The following DPYD variants were observed in gnomAD, a reference collection of about 807,000 sequenced individuals.
DPYD encodes dihydropyrimidine dehydrogenase.
DPYD carries 109 observed loss-of-function variants against 116.2 expected under a neutral mutation model. The ratio of observed to expected loss-of-function variants is 0.94; its 90% CI spans 0.80 to 1.10. DPYD has a LOEUF of 1.10. DPYD is among the 50% of genes least tolerant of loss of function. The pLI, the probability that DPYD is intolerant of heterozygous loss-of-function variation, is 0.00. For missense variants in DPYD, 1,302 were observed against 1,254.5 expected, an observed-to-expected ratio of 1.04 and a Z score of -0.57; for synonymous variants, 440 against 432.0, an observed-to-expected ratio of 1.02 and a Z score of -0.23.
At chr1:97,090,983 CATT>C (rs1649861456) in intron 21 of DPYD, among the ~76,000 whole-genome samples, 1 of 152,110 alleles carries the variant, frequency 6.6e-6, no homozygotes, top group Admixed American at 6.5e-5. Context: ...ACCATTAAGT[CATT>C]AAGGCATTTG....
intron 1 of DPYD, among the ~76,000 whole-genome samples, chr1:97,906,180 C>T (rs1402002363): frequency 6.6e-6 from 1 of 151,948 alleles, no homozygotes; most frequent in African/African-American, 2.4e-5. Flanking sequence ...CATTTTCTGG[C>T]CCCTAAATTA....
chr1:97,546,115 T>C, intron 12 of DPYD: 3 of 1,430,142 alleles, frequency 2.1e-6, no homozygotes, highest in East Asian at 2.3e-5. Flanking sequence ...AGGCAAACAA[T>C]GGCTGAAGTA....
intron 13 of DPYD, among the ~76,000 whole-genome samples, chr1:97,457,906 C>G (rs990127530): frequency 1.3e-4 from 20 of 152,216 alleles, no homozygotes; most frequent in African/African-American, 4.8e-4. Context: ...TTACAAGAAA[C>G]AGATGAAGGG....
Position 97,595,083 on chromosome 1 carries a change from G to C in DPYD, c.934C>G (p.Leu312Val). The C allele has an allele frequency of 6.2e-7, 1 of 1,613,526 alleles. No homozygotes were observed. Among genetic ancestry groups the C allele is most frequent in the Non-Finnish European group, 8.5e-7 (1 of 1,179,588 alleles). Reference protein sequence around the residue: ...GFYTSKDFLPLVAKGSKAGMC... With the variant: ...GFYTSKDFLPVVAKGSKAGMC... ...CCTGCTTTACTGCCTTTGGCTACAA[G>C]TGGCAAAAAGTCTTTGGATGTATAA... is the stretch of plus-strand genomic sequence containing the variant. Residue 312 changes from leucine (L) to valine (V), a missense_variant, in exon 9 of 23, where the codon CTT (leucine) becomes GTT (valine). Transcript: ENST00000370192.
chr1:97,182,426 T>C (rs559268669), intron 20 of DPYD, among the ~76,000 whole-genome samples: 4 of 152,120 alleles, frequency 2.6e-5, no homozygotes, highest in Non-Finnish European at 5.9e-5. Flanking sequence ...TCCTTCCTCA[T>C]GCCCTATGAA....
At position 97,573,985 on chromosome 1, in the gene DPYD, A is replaced by G. The variant is rs56293913; in HGVS notation, c.1129-15T>C. On this transcript the variant is annotated splice_polypyrimidine_tract_variant and intron_variant, in intron 10 of 22. Coordinates refer to ENST00000370192, the MANE Select transcript of DPYD (RefSeq NM_000110.4). ...GCAAGTTCCATCTAAAACAAAACAG[A>G]ACAGAGAAGAAACTTGAAAATGTTT... 164,636 of 1,612,456 alleles carry G rather than the reference A, an allele frequency of 0.1. 9,385 individuals are homozygous for G. The highest frequency in any genetic ancestry group is 0.17 in the Middle Eastern group (1,011 of 6,054).
intron 1 of DPYD, among the ~76,000 whole-genome samples, chr1:97,897,334 A>G (rs953185637): frequency 3.3e-5 from 5 of 151,796 alleles, no homozygotes; most frequent in Admixed American, 6.6e-5. Flanking sequence ...TAAACTCTTT[A>G]TCACTAGTTT....
intron 4 of DPYD, among the ~76,000 whole-genome samples, chr1:97,734,233 C>T (rs1663796145): frequency 1.3e-5 from 2 of 151,886 alleles, no homozygotes; most frequent in South Asian, 4.1e-4. Context: ...TAGGAGATAA[C>T]CTATGAAAGA....
chr1:97,802,123 G>A lies in DPYD; in HGVS notation c.233+25991C>T, dbSNP rs1296145193. Among the ~76,000 whole-genome samples the A allele has an allele frequency of 3.3e-5, 5 of 151,884 alleles. 1 individual carries two copies. The East Asian group carries it at 5.8e-4, about 18-fold the overall frequency. Reference sequence around the variant, plus strand: ...TGAGGTATGACTGGGAGGTAAAGACGTAGAGTCACGCTGTTCAGACTACAT... The same window carrying A: ...TGAGGTATGACTGGGAGGTAAAGACATAGAGTCACGCTGTTCAGACTACAT... On this transcript the variant is annotated intron_variant, in intron 3 of 22. Transcript: ENST00000370192.
rs754467630 is a variant in DPYD at position 97,593,279 on chromosome 1, G to A, written c.1067C>T (p.Ala356Val). 1.9e-6 allele frequency: 3 copies of A among 1,614,122 alleles called. 1 individual carries two copies. Among genetic ancestry groups the A allele is most frequent in the South Asian group, 2.2e-5 (2 of 91,084 alleles). The change falls in exon 10 of 23, where the codon GCT (alanine) becomes GTT (valine). Residue 356 changes from alanine to valine, a missense_variant. Ala to Val is a moderately conservative substitution (Grantham distance 64). Coordinates refer to ENST00000370192, the MANE Select transcript of DPYD (RefSeq NM_000110.4). ...DCATSALRCGARRVFIVFRKG... is the reference protein window; with the variant it reads ...DCATSALRCGVRRVFIVFRKG... ...TCTGAAGACGATGAACACACGGCGA[G>A]CTCCACAACGTAGAGCAGATGTTGC...
chr1:97,343,337 T>A (rs1669677163), intron 16 of DPYD, among the ~76,000 whole-genome samples: 2 of 152,100 alleles, frequency 1.3e-5, no homozygotes, highest in African/African-American at 4.8e-5. Context: ...CCAACTGAAA[T>A]TACATGTTGT....
intron 20 of DPYD, among the ~76,000 whole-genome samples, chr1:97,169,313 G>A (rs994172563): frequency 6.6e-5 from 10 of 152,090 alleles, no homozygotes; most frequent in Non-Finnish European, 1.5e-4. Context: ...GTTCTAAAAA[G>A]TCAATATTTA....
At chr1:97,524,534 G>C (rs1483656056) in intron 12 of DPYD, among the ~76,000 whole-genome samples, 1 of 152,140 alleles carries the variant, frequency 6.6e-6, no homozygotes, top group Non-Finnish European at 1.5e-5. Context: ...ATCAGAACTA[G>C]TCATGGTCTA....
Position 97,920,941 on chromosome 1 carries a change from G to C in DPYD, c.-19C>G. On this transcript the variant is annotated 5_prime_UTR_variant, in exon 1 of 23. Transcript: ENST00000370192. ...GGGCCATGGCAGTGCCTACAGTCTC[G>C]AGTCTGCCAGTGACAAACCCTCCTT... 1 of 1,577,864 alleles carries C rather than the reference G, an allele frequency of 6.3e-7. No homozygotes were observed. Among genetic ancestry groups the C allele is most frequent in the East Asian group, 2.4e-5 (1 of 42,044 alleles).
At chr1:97,098,765 C>A (rs1650451721) in intron 20 of DPYD, 133 bp from the exon 21 acceptor site, 3 of 1,037,612 alleles carry the variant, frequency 2.9e-6, no homozygotes, top group South Asian at 1.5e-5. Flanking sequence ...GTAACTAGGT[C>A]TTCACTCATT....
intron 18 of DPYD, among the ~76,000 whole-genome samples, chr1:97,262,420 C>A (rs369608906): frequency 6.6e-6 from 1 of 152,000 alleles, no homozygotes; most frequent in South Asian, 2.1e-4. Context: ...TCAGTTCTTA[C>A]CAACATCATC....
intron 22 of DPYD, among the ~76,000 whole-genome samples, chr1:97,081,147 T>TC (rs1649122152): frequency 6.6e-6 from 1 of 151,560 alleles, no homozygotes. Flanking sequence ...ATAGTTTTTT[T>TC]TTAAATTAAA....
At chr1:97,644,764 A>T (rs1020630572) in intron 8 of DPYD, among the ~76,000 whole-genome samples, 2 of 151,836 alleles carry the variant, frequency 1.3e-5, no homozygotes, top group Non-Finnish European at 2.9e-5. Flanking sequence ...GGCCAATTTT[A>T]CATGTTTTTA....
intron 20 of DPYD, among the ~76,000 whole-genome samples, chr1:97,103,981 A>G (rs888975487): frequency 1.4e-4 from 22 of 152,070 alleles, no homozygotes; most frequent in African/African-American, 5.3e-4. Context: ...GTACATGCCA[A>G]TTAGGCTATT....
Sources: allele counts gnomAD v4.1 joint callset (sites outside exome capture counted in the v4.1 genomes callset), GRCh38; gene constraint gnomAD v4.1.1; transcripts MANE v1.5; gene names NCBI Gene and HGNC (gene_info 2026-07-23, HGNC 2026-07-21).